The following PRKCB variants were observed in gnomAD, a reference collection of about 807,000 sequenced individuals.
The protein encoded by PRKCB is protein kinase C beta.
In PRKCB, 13 loss-of-function variants were observed where a neutral mutation model predicts 81.5. The observed-to-expected ratio is 0.16, with a 90% CI of 0.10 to 0.25. The LOEUF (loss-of-function observed/expected upper bound fraction) is 0.25, where lower values mean the gene tolerates loss of function less well. Ranked by LOEUF, PRKCB falls within the 10% of genes least tolerant of loss-of-function variation. PRKCB has a pLI of 1.00. For missense variants in PRKCB, 509 were observed against 875.7 expected (o/e 0.58, Z 5.29); for synonymous variants, 335 against 321.4 (o/e 1.04, Z -0.45).
intron 16 of PRKCB, among the ~76,000 whole-genome samples, chr16:24,202,334 T>G (rs1967971489): frequency 6.6e-6 from 1 of 152,208 alleles, no homozygotes; most frequent in Non-Finnish European, 1.5e-5. Flanking sequence ...AATTTATTGT[T>G]TCCTCAGTTT....
At chr16:24,209,281 A>G (rs138053060) in intron 16 of PRKCB, among the ~76,000 whole-genome samples, 22 of 151,868 alleles carry the variant, frequency 1.4e-4, no homozygotes, top group African/African-American at 5.3e-4. Flanking sequence ...CCCTGCCACC[A>G]TCACCTCTTT....
intron 9 of PRKCB, among the ~76,000 whole-genome samples, chr16:24,147,059 A>G (rs1045706150): frequency 7.2e-5 from 11 of 152,146 alleles, no homozygotes; most frequent in African/African-American, 2.7e-4. Flanking sequence ...CTGTAATCCC[A>G]GCACTTTGGG....
At chr16:24,124,032 C>A in intron 9 of PRKCB, 51 bp downstream of exon 9, 1 of 1,605,850 alleles carries the variant, frequency 6.2e-7, no homozygotes, top group Non-Finnish European at 8.5e-7. Context: ...CATCTAACAA[C>A]ACAGGCACAT....
At chr16:23,898,105 G>A (rs1376529828) in intron 2 of PRKCB, among the ~76,000 whole-genome samples, 5 of 146,302 alleles carry the variant, frequency 3.4e-5, no homozygotes, top group Non-Finnish European at 6.0e-5. Context: ...TTGCTCTGTC[G>A]CCCAGGCCAG....
chr16:24,123,507 G>T (rs546367839), intron 8 of PRKCB, among the ~76,000 whole-genome samples: 2 of 152,296 alleles, frequency 1.3e-5, no homozygotes, highest in African/African-American at 4.8e-5. Context: ...GAAACCCAGT[G>T]TAAGGGAAAT....
chr16:24,109,257 C>T (rs867472138), intron 7 of PRKCB, among the ~76,000 whole-genome samples: 8 of 51,528 alleles, frequency 1.6e-4, no homozygotes, highest in African/African-American at 6.2e-4. Context: ...CCTCACCTCC[C>T]GGACGGGGCG....
Position 24,094,151 on chromosome 16 carries a change from T to G in PRKCB, c.687-12T>G. ...CAACCTCCACTGATGTCTTTTCTTT[T>G]TCTCTATGCAGTCAGCTGAAAGAAT... On this transcript the variant is annotated splice_polypyrimidine_tract_variant and intron_variant, in intron 6 of 16. Coordinates refer to ENST00000643927, the MANE Select transcript of PRKCB (RefSeq NM_002738.7). 6.2e-7 allele frequency: 1 copy of G among 1,611,558 alleles called. No individual in the cohort carries two copies. The highest frequency in any genetic ancestry group is 8.5e-7 in the Non-Finnish European group (1 of 1,179,108).
chr16:24,102,144 T>G (rs1433356958), intron 7 of PRKCB, among the ~76,000 whole-genome samples: 1 of 152,170 alleles, frequency 6.6e-6, no homozygotes, highest in Non-Finnish European at 1.5e-5. Context: ...CTTTGTGACC[T>G]CAGGTGAGCC....
At position 24,070,368 on chromosome 16, in the gene PRKCB, C is replaced by CAG. The variant is rs1966092869; in HGVS notation, c.530-22422_530-22421insGA. On this transcript the variant is annotated intron_variant, in intron 5 of 16. Coordinates refer to ENST00000643927, the MANE Select transcript of PRKCB (RefSeq NM_002738.7). Reference sequence around the variant, plus strand: ...TTTGCCATCTTGGCCAGGCTGGTCTCAAACTCCTGACCTCAAGTGATTCGC... The same window carrying CAG: ...TTTGCCATCTTGGCCAGGCTGGTCTCAGAAACTCCTGACCTCAAGTGATTCGC... Among the ~76,000 whole-genome samples, 3 of 152,226 alleles carry CAG rather than the reference C, an allele frequency of 2.0e-5. No individual in the cohort carries two copies. The South Asian group carries it at 6.2e-4, about 32-fold the overall frequency.
chr16:23,902,780 T>TCCTTCCTCCTTCCTCCCTC (rs1567307987), intron 2 of PRKCB, among the ~76,000 whole-genome samples: 1 of 27,364 alleles, frequency 3.7e-5, no homozygotes, highest in African/African-American at 1.8e-4. Flanking sequence ...CTTCCTTCCT[T>TCCTTCCTCCTTCCTCCCTC]CCTCCCTCCC....
chr16:23,853,480 C>A (rs112457533), intron 2 of PRKCB, among the ~76,000 whole-genome samples: 2 of 152,166 alleles, frequency 1.3e-5, no homozygotes, highest in East Asian at 3.9e-4. Context: ...AGGCAACCAA[C>A]GGAAGGGGGT....
In PRKCB at chr16:24,093,881, C is replaced by T. The variant is rs181377243; in HGVS notation, c.687-282C>T. Among the ~76,000 whole-genome samples the T allele has an allele frequency of 3.3e-5, 5 of 152,284 alleles. No homozygotes were observed. In the East Asian group the frequency reaches 9.6e-4, roughly 29 times the overall value. The stretch of plus-strand genomic sequence containing the variant: ...TATTTCTTATAGGCAATAGGAATTC[C>T]TGAATATCCTGAACCCTATTAAGAC... On this transcript the variant is annotated intron_variant, in intron 6 of 16. Transcript: ENST00000643927.
At chr16:23,914,206 G>A (rs919049791) in intron 2 of PRKCB, among the ~76,000 whole-genome samples, 1 of 152,104 alleles carries the variant, frequency 6.6e-6, no homozygotes, top group Non-Finnish European at 1.5e-5. Context: ...TTTGGGATGA[G>A]GTCTTGTTAT....
chr16:23,839,579 T>C (rs1029110115), intron 2 of PRKCB, among the ~76,000 whole-genome samples: 4 of 151,734 alleles, frequency 2.6e-5, no homozygotes, highest in African/African-American at 9.7e-5. Flanking sequence ...CTCTGGAGTG[T>C]CTATTTTTTA....
chr16:23,934,315 G>C (rs1378312198), intron 2 of PRKCB, among the ~76,000 whole-genome samples: 1 of 82,370 alleles, frequency 1.2e-5, no homozygotes, highest in Non-Finnish European at 2.2e-5. Flanking sequence ...GAGGAAAAAA[G>C]CTGTTTTTTT....
At chr16:23,938,327 G>C (rs113880652) in intron 2 of PRKCB, among the ~76,000 whole-genome samples, 1 of 152,126 alleles carries the variant, frequency 6.6e-6, no homozygotes, top group Non-Finnish European at 1.5e-5. Context: ...ATATAAAAAG[G>C]CACTGCAAAT....
chr16:23,852,506 C>T (rs1597209663), intron 2 of PRKCB, among the ~76,000 whole-genome samples: 1 of 152,200 alleles, frequency 6.6e-6, no homozygotes. Context: ...ATGTGTTCTT[C>T]AATTTGGTTT....
intron 2 of PRKCB, among the ~76,000 whole-genome samples, chr16:23,907,866 C>G (rs867322210): frequency 2.6e-5 from 4 of 152,208 alleles, no homozygotes; most frequent in African/African-American, 9.7e-5. Context: ...CCCCAGACAA[C>G]AAGGCCTGGC....
chr16:24,112,373 T>A (rs58882283), intron 7 of PRKCB, among the ~76,000 whole-genome samples: 15,546 of 151,782 alleles, frequency 0.1, 918 homozygotes, highest in Middle Eastern at 0.18. Flanking sequence ...TACAAAAAAA[T>A]TTTTTTTTGT....
Sources: allele counts gnomAD v4.1 joint callset (sites outside exome capture counted in the v4.1 genomes callset), GRCh38; gene constraint gnomAD v4.1.1; transcripts MANE v1.5; gene names NCBI Gene and HGNC (gene_info 2026-07-23, HGNC 2026-07-21).